MYPN: variants seen among roughly 807,000 people sequenced by gnomAD.
MYPN encodes sarcomeric protein myopalladin, 145 kDa (MYOP).
In MYPN, 63 loss-of-function variants were observed where a neutral mutation model predicts 129.4. The observed-to-expected ratio is 0.49, with a 90% CI of 0.40 to 0.60. The LOEUF (loss-of-function observed/expected upper bound fraction) is 0.60. Among genes scored for constraint, MYPN ranks in the 20% least tolerant of loss-of-function variants. MYPN has a pLI of 0.00. For synonymous variants in MYPN, 629 were observed against 600.9 expected (o/e 1.05, Z -0.68); for missense variants, 1,596 against 1,635.4 (o/e 0.98, Z 0.42).
At chr10:68,147,056 A>G (rs1353357636) in intron 4 of MYPN, among the ~76,000 whole-genome samples, 1 of 152,160 alleles carries the variant, frequency 6.6e-6, no homozygotes, top group East Asian at 1.9e-4. Flanking sequence ...TGAGCCATAG[A>G]GAGAGAGAGC....
At position 68,113,696 on chromosome 10, in the gene MYPN, C is replaced by CAA. The variant is rs565475209; in HGVS notation, c.-2+3986_-2+3987dup. ...TGGGTGACAGAGTGAGATCTTGCCT[C>CAA]AAAAAAAAAAAAAAGACACATTTAA... On this transcript the variant is annotated intron_variant, in intron 1 of 19. Transcript: ENST00000358913. Among the ~76,000 whole-genome samples the CAA allele has an allele frequency of 3.3e-3, 418 of 127,354 alleles. 2 individuals are homozygous for CAA. Among genetic ancestry groups the CAA allele is most frequent in the African/African-American group, 6.4e-3 (220 of 34,312 alleles). 83.5% of individuals were successfully genotyped at this position (127,354 alleles called of 152,430 possible).
In MYPN at chr10:68,118,150, T is replaced by TA. The variant is rs567498062; in HGVS notation, c.-1-3279dup. Among the ~76,000 whole-genome samples, 425 of 151,490 alleles carry TA rather than the reference T, an allele frequency of 2.8e-3. 3 individuals are homozygous for TA. The highest frequency in any genetic ancestry group is 0.02 in the East Asian group (104 of 5,166). On this transcript the variant is annotated intron_variant, in intron 1 of 19. Transcript: ENST00000358913. ...TAACACCTCAATTGGCTTCTTTTCT[T>TA]AAAAAAAAACTTATCTAAGAATTTT...
intron 13 of MYPN, among the ~76,000 whole-genome samples, chr10:68,189,563 C>T (rs2043478075): frequency 6.6e-6 from 1 of 152,210 alleles, no homozygotes; most frequent in Non-Finnish European, 1.5e-5. Flanking sequence ...CCACTCACCA[C>T]CTCCATGAGA....
At chr10:68,137,565 T>C (rs530078722) in intron 2 of MYPN, among the ~76,000 whole-genome samples, 30 of 152,332 alleles carry the variant, frequency 2.0e-4, no homozygotes, top group African/African-American at 6.7e-4. Context: ...AAATTAGTAA[T>C]GCAGATCTTC....
At chr10:68,102,446 T>C (rs572678364), upstream of MYPN, among the ~76,000 whole-genome samples, 17 of 152,276 alleles carry the variant, frequency 1.1e-4, no homozygotes, top group African/African-American at 4.1e-4. Context: ...TTATTTTTAT[T>C]ACTTTCTCCC....
chr10:68,205,104 T>C (rs3956959), intron 18 of MYPN, among the ~76,000 whole-genome samples: 62,501 of 151,942 alleles, frequency 0.41, 13,688 homozygotes, highest in Non-Finnish European at 0.49. Context: ...GAGAAATAGA[T>C]TTTTAAAGTA....
chr10:68,109,404 C>CT (rs563385152), upstream of MYPN: 22 of 419,548 alleles, frequency 5.2e-5, no homozygotes, highest in Admixed American at 1.0e-4. Context: ...TATGGAATCC[C>CT]TTTGCTCAGT....
chr10:68,158,430 T>C, intron 6 of MYPN, 56 bp from the exon 7 acceptor site: 1 of 1,554,944 alleles, frequency 6.4e-7, no homozygotes, highest in Non-Finnish European at 8.8e-7. Context: ...ACACCGAAAC[T>C]AGATTACAAA....
intron 2 of MYPN, among the ~76,000 whole-genome samples, chr10:68,138,100 C>A (rs774407640): frequency 1.4e-5 from 2 of 142,164 alleles, no homozygotes; most frequent in African/African-American, 2.7e-5. Context: ...TTTTCTTTTT[C>A]TTTTTTCTTC....
In MYPN at chr10:68,210,634, G is replaced by C. The variant is rs117014451; in HGVS notation, c.*179G>C. The stretch of plus-strand genomic sequence containing the variant: ...CTTGCAGTCTCAGCTGAGGGAGAAA[G>C]GTAGGGCTGTGCCTTCTAAAGATTC... On this transcript the variant is annotated 3_prime_UTR_variant, in exon 20 of 20. Coordinates refer to ENST00000358913, the MANE Select transcript of MYPN (RefSeq NM_032578.4). The C allele has an allele frequency of 1.4e-6, 1 of 736,906 alleles. No individual in the cohort carries two copies. Among genetic ancestry groups the C allele is most frequent in the Non-Finnish European group, 2.4e-6 (1 of 416,816 alleles). The allele number at this position is 736,906 out of a possible 1,614,324, so 45.6% of individuals were successfully genotyped here. A position where few individuals can be genotyped will look rare whatever the true frequency, so the allele number is the denominator to read the frequency against.
chr10:68,202,108 T>A, intron 18 of MYPN, 114 bp downstream of exon 18: 1 of 1,222,408 alleles, frequency 8.2e-7, no homozygotes, highest in South Asian at 1.2e-5. Flanking sequence ...ATAATGCATT[T>A]GCGTTTCATT....
At chr10:68,166,764 C>A in intron 10 of MYPN, 98 bp downstream of exon 10, 1 of 1,499,764 alleles carries the variant, frequency 6.7e-7, no homozygotes, top group Non-Finnish European at 9.1e-7. Context: ...CACAGTTGCT[C>A]ACACCTGTAA....
chr10:68,143,682 G>A lies in MYPN; in HGVS notation c.1078+567G>A, dbSNP rs73265293. On this transcript the variant is annotated intron_variant, in intron 3 of 19. Transcript: ENST00000358913. ...CAAGGACTTTGGTTTTGACCCTGAGGTAGATGAGAAGTTCTGGAGCATTCT... is the reference window on the plus strand; with the variant it reads ...CAAGGACTTTGGTTTTGACCCTGAGATAGATGAGAAGTTCTGGAGCATTCT... Among the ~76,000 whole-genome samples the A allele has an allele frequency of 1.6e-3, 241 of 152,202 alleles. 2 individuals are homozygous for A. The highest frequency in any genetic ancestry group is 5.5e-3 in the African/African-American group (228 of 41,508).
At chr10:68,172,671 TC>T (rs760220144) in intron 10 of MYPN, among the ~76,000 whole-genome samples, 8 of 152,204 alleles carry the variant, frequency 5.3e-5, no homozygotes, top group Non-Finnish European at 8.8e-5. Context: ...GTTTGATCTT[TC>T]TCCTTTTAGG....
Position 68,197,450 on chromosome 10 carries a change from A to AG in MYPN, c.3261dup (p.Arg1088AlafsTer8). The AG allele has an allele frequency of 6.2e-7, 1 of 1,613,890 alleles. No individual in the cohort carries two copies. Among genetic ancestry groups the AG allele is most frequent in the Non-Finnish European group, 8.5e-7 (1 of 1,179,892 alleles). On this transcript the variant is annotated frameshift_variant, in exon 16 of 20. Transcript: ENST00000358913. LOFTEE classifies it high-confidence loss of function. ...GCTCCTGGGGATATGGTAGCTCATG[A>AG]GGGGCGCCTCTGTCGGCTGGACTGT... is the stretch of plus-strand genomic sequence containing the variant.
intron 12 of MYPN, among the ~76,000 whole-genome samples, chr10:68,178,210 C>T (rs1380612512): frequency 6.6e-6 from 1 of 152,148 alleles, no homozygotes; most frequent in African/African-American, 2.4e-5. Context: ...TTCAGAGGCT[C>T]ATATTTATTA....
In MYPN at chr10:68,208,966, C is replaced by G. The variant is rs990292030; in HGVS notation, c.3794-1320C>G. Among the ~76,000 whole-genome samples the G allele has an allele frequency of 2.6e-5, 4 of 152,328 alleles. No homozygotes were observed. In the South Asian group the frequency reaches 6.2e-4, roughly 24 times the overall value. ...CGCAAGAGCAGGCCTTACTGAGTGT[C>G]TGCTCTTTAGTGAAACCGCTCTAGG... On this transcript the variant is annotated intron_variant, in intron 19 of 19. Coordinates refer to ENST00000358913, the MANE Select transcript of MYPN (RefSeq NM_032578.4).
At chr10:68,168,011 C>A (rs959795435) in intron 10 of MYPN, among the ~76,000 whole-genome samples, 1 of 152,198 alleles carries the variant, frequency 6.6e-6, no homozygotes, top group African/African-American at 2.4e-5. Context: ...GGAGCTTGCG[C>A]GGCTGGTTCG....
rs1161124268 is a variant in MYPN at position 68,165,906 on chromosome 10, C to T, written c.1600+88C>T. 3.6e-6 allele frequency: 4 copies of T among 1,112,386 alleles called. No homozygotes were observed. The African/African-American group carries it at 4.6e-5, about 13-fold the overall frequency. The allele number at this position is 1,112,386 out of a possible 1,614,324, so 68.9% of individuals were successfully genotyped here. A position where few individuals can be genotyped will look rare whatever the true frequency, so the allele number is the denominator to read the frequency against. On this transcript the variant is annotated intron_variant, in intron 9 of 19. Transcript: ENST00000358913. The stretch of plus-strand genomic sequence containing the variant: ...TGTGTTTCCATTCCTTCCTGTTTTT[C>T]ATACAAAGCTGGCTTGGCTCTTCTA...
Sources: gnomAD v4.1 joint callset for allele counts (sites outside exome capture counted in the v4.1 genomes callset) on GRCh38, gnomAD v4.1.1 for gene constraint, MANE v1.5 for transcripts, NCBI Gene and HGNC (gene_info 2026-07-23, HGNC 2026-07-21) for gene names.